Variants in RSRC1 observed in about 807,000 individuals in gnomAD.
The protein encoded by RSRC1 is serine/Arginine-related protein 53.
Under a neutral mutation model 49.1 loss-of-function variants are expected in RSRC1, and 39 were observed. The observed-to-expected ratio is 0.79, with a 90% CI of 0.61 to 1.04. The LOEUF is 1.04. RSRC1 is among the 50% of genes least tolerant of loss of function. The probability of loss-of-function intolerance (pLI) is 0.00; values close to 1 mark genes in which losing one functional copy is unlikely to be tolerated. For missense variants in RSRC1, 388 were observed against 402.4 expected, an observed-to-expected ratio of 0.96 and a Z score of 0.31; for synonymous variants, 143 against 130.8, an observed-to-expected ratio of 1.09 and a Z score of -0.63.
chr3:158,316,255 C>T (rs1303521326), intron 5 of RSRC1, among the ~76,000 whole-genome samples: 1 of 151,952 alleles, frequency 6.6e-6, no homozygotes, highest in Non-Finnish European at 1.5e-5. Flanking sequence ...ACGGCTGTTG[C>T]AGTCATTGCA....
At chr3:158,374,979 C>T (rs1032411187) in intron 6 of RSRC1, among the ~76,000 whole-genome samples, 4 of 151,840 alleles carry the variant, frequency 2.6e-5, no homozygotes, top group African/African-American at 9.7e-5. Flanking sequence ...TGTTTTAACT[C>T]TCTTAAGCAA....
intron 7 of RSRC1, among the ~76,000 whole-genome samples, chr3:158,521,973 T>C (rs1711699776): frequency 6.6e-6 from 1 of 152,136 alleles, no homozygotes; most frequent in African/African-American, 2.4e-5. Flanking sequence ...GATAATGTAT[T>C]AGAATTACAT....
At chr3:158,517,791 T>G (rs945778212) in intron 7 of RSRC1, among the ~76,000 whole-genome samples, 64 of 132,852 alleles carry the variant, frequency 4.8e-4, no homozygotes, top group East Asian at 1.4e-3. Context: ...TTTTTTTTTT[T>G]TTGTTGAGAC....
At chr3:158,385,427 T>A (rs190055817) in intron 6 of RSRC1, among the ~76,000 whole-genome samples, 1 of 152,294 alleles carries the variant, frequency 6.6e-6, no homozygotes, top group Admixed American at 6.5e-5. Context: ...AGTGACTACC[T>A]CTGCCTGAGG....
chr3:158,461,067 G>A (rs73172119), intron 7 of RSRC1, 64 bp downstream of exon 7: 268,343 of 1,192,078 alleles, frequency 0.23, 32,652 homozygotes, highest in South Asian at 0.29. Flanking sequence ...TGAATAGACC[G>A]TAGAATATAA....
chr3:158,300,664 A>C (rs1380672985), intron 5 of RSRC1, among the ~76,000 whole-genome samples: 1 of 152,178 alleles, frequency 6.6e-6, no homozygotes, highest in East Asian at 1.9e-4. Flanking sequence ...TCAGTGTTAA[A>C]AAATATATGA....
At chr3:158,244,746 A>G (rs979681706) in intron 4 of RSRC1, among the ~76,000 whole-genome samples, 3 of 152,100 alleles carry the variant, frequency 2.0e-5, no homozygotes, top group South Asian at 2.1e-4. Context: ...CTGTGAATCC[A>G]TCTGATCCTG....
rs200713336 is a variant in RSRC1, at chr3:158,284,355, G to A, written c.495-13684G>A. Among the ~76,000 whole-genome samples, 154 of 147,956 alleles carry A rather than the reference G, an allele frequency of 1.0e-3. No homozygotes were observed. The East Asian group carries it at 0.028, about 27-fold the overall frequency. The stretch of plus-strand genomic sequence containing the variant: ...GTGAATAGTGCCACAATAAACATAT[G>A]TGTGCATGTGTCTTTATAGCGGCAT... On this transcript the variant is annotated intron_variant, in intron 4 of 9. Transcript: ENST00000611884.
intron 7 of RSRC1, among the ~76,000 whole-genome samples, chr3:158,472,022 C>G (rs1044496636): frequency 2.6e-5 from 4 of 151,986 alleles, no homozygotes; most frequent in African/African-American, 9.7e-5. Flanking sequence ...TTAAAAAGCA[C>G]TAAAATATAG....
intron 5 of RSRC1, among the ~76,000 whole-genome samples, chr3:158,318,690 C>T (rs1201750310): frequency 1.3e-5 from 2 of 152,160 alleles, no homozygotes; most frequent in African/African-American, 4.8e-5. Context: ...TAAAGTATTT[C>T]CCTATTTGTT....
intron 5 of RSRC1, among the ~76,000 whole-genome samples, chr3:158,318,344 C>T (rs541291521): frequency 2.6e-5 from 4 of 152,296 alleles, no homozygotes. Context: ...CAGGACCATC[C>T]TGGGCAATAT....
chr3:158,167,075 C>T (rs1157529415), intron 3 of RSRC1, among the ~76,000 whole-genome samples: 9 of 152,110 alleles, frequency 5.9e-5, no homozygotes, highest in Admixed American at 5.9e-4. Context: ...GTACATCTAT[C>T]AAGTTGTCAC....
At chr3:158,418,570 C>T (rs553215215) in intron 6 of RSRC1, among the ~76,000 whole-genome samples, 3 of 151,882 alleles carry the variant, frequency 2.0e-5, no homozygotes, top group Non-Finnish European at 4.4e-5. Flanking sequence ...CTTTTGTGGA[C>T]GTTGAGGAGC....
intron 7 of RSRC1, among the ~76,000 whole-genome samples, chr3:158,475,847 G>T (rs1041434734): frequency 2.0e-5 from 3 of 152,032 alleles, no homozygotes; most frequent in African/African-American, 7.2e-5. Flanking sequence ...AGGAAGAGTT[G>T]CATGTCCCTC....
rs181238263 is a variant in RSRC1 at position 158,276,294 on chromosome 3, A to T, written c.495-21745A>T. 6.6e-6 allele frequency: 5 copies of T among 762,668 alleles called. No individual in the cohort carries two copies. In the East Asian group the frequency reaches 1.2e-4, roughly 19 times the overall value. The allele number at this position is 762,668 out of a possible 1,614,324, so 47.2% of individuals were successfully genotyped here. A position where few individuals can be genotyped will look rare whatever the true frequency, so the allele number is the denominator to read the frequency against. Reference sequence around the variant, plus strand: ...CAGTCTGCACAATTTATCAGGCCAGATGGGGTGGGGAGCCCTGTGGAGAGC... The same window carrying T: ...CAGTCTGCACAATTTATCAGGCCAGTTGGGGTGGGGAGCCCTGTGGAGAGC... On this transcript the variant is annotated intron_variant, in intron 4 of 9. Coordinates refer to ENST00000611884, the MANE Select transcript of RSRC1 (RefSeq NM_001271838.2).
chr3:158,531,065 T>C (rs202161561), intron 7 of RSRC1, among the ~76,000 whole-genome samples: 1 of 150,720 alleles, frequency 6.6e-6, no homozygotes, highest in East Asian at 2.0e-4. Flanking sequence ...ATTTCAGTTA[T>C]TCAACAAATG....
intron 5 of RSRC1, among the ~76,000 whole-genome samples, chr3:158,351,798 T>C (rs1425098430): frequency 6.6e-6 from 1 of 150,988 alleles, no homozygotes; most frequent in African/African-American, 2.4e-5. Flanking sequence ...CTTTGAAATA[T>C]GAATCCTGTA....
At chr3:158,435,240 A>G (rs1245621838) in intron 6 of RSRC1, among the ~76,000 whole-genome samples, 1 of 151,774 alleles carries the variant, frequency 6.6e-6, no homozygotes, top group Non-Finnish European at 1.5e-5. Flanking sequence ...TTAATACTAC[A>G]CAAGCATTCT....
At chr3:158,530,931 T>TA (rs564197735) in intron 7 of RSRC1, among the ~76,000 whole-genome samples, 1,405 of 123,508 alleles carry the variant, frequency 0.011, 19 homozygotes, top group African/African-American at 0.032. Context: ...AAAAGAAACT[T>TA]AAAAAAAAAA....
Sources: allele counts gnomAD v4.1 joint callset (sites outside exome capture counted in the v4.1 genomes callset), GRCh38; gene constraint gnomAD v4.1.1; transcripts MANE v1.5; gene names NCBI Gene and HGNC (gene_info 2026-07-23, HGNC 2026-07-21).